The following ZNF469 variants were observed in gnomAD, a reference collection of about 807,000 sequenced individuals.
The protein encoded by ZNF469 is zinc finger protein 469.
Under a neutral mutation model 1.0 loss-of-function variants are expected in ZNF469, and 1 was observed. The observed-to-expected ratio is 1.00, with a 90% CI of 0.35 to 4.73. ZNF469 has a LOEUF of 4.73. Ranked by LOEUF, ZNF469 falls within the 30% of genes most tolerant of loss-of-function variation. ZNF469 has a pLI of 0.16. For missense variants in ZNF469, 6,100 were observed against 5,356.3 expected, an observed-to-expected ratio of 1.14 and a Z score of -4.33; for synonymous variants, 2,703 against 2,363.4, an observed-to-expected ratio of 1.14 and a Z score of -4.17.
the ZNF469 span, among the ~76,000 whole-genome samples, chr16:88,311,105 G>T: frequency 6.6e-6 from 1 of 152,198 alleles, no homozygotes; most frequent in Non-Finnish European, 1.5e-5. Context: ...TGGGCATTTT[G>T]TGGATCATCC....
At chr16:88,203,712 T>C in the ZNF469 span, among the ~76,000 whole-genome samples, 1 of 149,176 alleles carries the variant, frequency 6.7e-6, no homozygotes, top group African/African-American at 2.4e-5. Context: ...ACATGGCCTC[T>C]GCTCTGTGTC....
At chr16:88,169,465 A>G in the ZNF469 span, among the ~76,000 whole-genome samples, 1 of 152,112 alleles carries the variant, frequency 6.6e-6, no homozygotes. The surrounding 1 kb of genome is among the most constrained non-coding windows in gnomAD (Gnocchi z 6.1). Flanking sequence ...CCAGAACGTC[A>G]TCGAGGTGGA....
chr16:88,251,692 G>T, the ZNF469 span, among the ~76,000 whole-genome samples: 1 of 151,180 alleles, frequency 6.6e-6, no homozygotes, highest in Non-Finnish European at 1.5e-5. Context: ...CTGAGTAGCT[G>T]GGACTATCAG....
At chr16:88,160,479 G>T in the ZNF469 span, among the ~76,000 whole-genome samples, 1 of 152,190 alleles carries the variant, frequency 6.6e-6, no homozygotes, top group East Asian at 1.9e-4. Context: ...TTTGCACTCT[G>T]ACCTCGTGCT....
chr16:88,256,908 T>TCTCTCTC, the ZNF469 span, among the ~76,000 whole-genome samples: 1 of 25,690 alleles, frequency 3.9e-5, no homozygotes, highest in Non-Finnish European at 7.0e-5. Flanking sequence ...CTTTCTTTCT[T>TCTCTCTC]TCTTTCTTTC....
At chr16:88,133,841 C>T in the ZNF469 span, among the ~76,000 whole-genome samples, 7 of 152,198 alleles carry the variant, frequency 4.6e-5, no homozygotes, top group Admixed American at 4.6e-4. Flanking sequence ...CGCCTGTAAT[C>T]CCAGCACTGT....
At chr16:88,148,808 G>A in the ZNF469 span, among the ~76,000 whole-genome samples, 679 of 152,270 alleles carry the variant, frequency 4.5e-3, 8 homozygotes, top group African/African-American at 0.015. Context: ...TCACTGGGCC[G>A]TTGGCCTGAG....
At chr16:88,236,756 A>G in the ZNF469 span, among the ~76,000 whole-genome samples, 7 of 151,680 alleles carry the variant, frequency 4.6e-5, no homozygotes, top group African/African-American at 1.7e-4. Context: ...AAGCTCAGCT[A>G]CTCTGGAGGC....
chr16:88,344,360 C>T, the ZNF469 span, among the ~76,000 whole-genome samples: 22 of 152,156 alleles, frequency 1.4e-4, no homozygotes, highest in Non-Finnish European at 2.5e-4. Flanking sequence ...GAGATGTTAA[C>T]GGCAGGGGAC....
the ZNF469 span, among the ~76,000 whole-genome samples, chr16:88,158,928 C>G: frequency 6.6e-6 from 1 of 152,178 alleles, no homozygotes; most frequent in Non-Finnish European, 1.5e-5. Flanking sequence ...TTCCCCAGAC[C>G]TCGCTGGGGC....
chr16:88,128,673 G>A, the ZNF469 span, among the ~76,000 whole-genome samples: 1 of 152,230 alleles, frequency 6.6e-6, no homozygotes. Context: ...CCCTGAGCCT[G>A]CTCCCCATGA....
the ZNF469 span, among the ~76,000 whole-genome samples, chr16:88,184,936 C>G: frequency 6.6e-6 from 1 of 151,750 alleles, no homozygotes; most frequent in African/African-American, 2.4e-5. Flanking sequence ...ATGCACAGAC[C>G]CTCACACTCA....
the ZNF469 span, among the ~76,000 whole-genome samples, chr16:88,233,855 G>A: frequency 6.6e-6 from 1 of 152,242 alleles, no homozygotes; most frequent in Non-Finnish European, 1.5e-5. Flanking sequence ...TTGGTTGCTG[G>A]TGGACGTTCA....
At chr16:88,239,397 C>G in the ZNF469 span, among the ~76,000 whole-genome samples, 2 of 151,748 alleles carry the variant, frequency 1.3e-5, no homozygotes, top group Non-Finnish European at 2.9e-5. Context: ...CCAAGAACTA[C>G]AGGATTCTTT....
the ZNF469 span, among the ~76,000 whole-genome samples, chr16:88,325,162 T>C: frequency 0.011 from 912 of 85,502 alleles, 13 homozygotes; most frequent in African/African-American, 0.037. Context: ...AGCTGCGACA[T>C]ACACAGGGCC....
chr16:88,194,039 G>A, the ZNF469 span, among the ~76,000 whole-genome samples: 3 of 152,332 alleles, frequency 2.0e-5, no homozygotes, highest in South Asian at 2.1e-4. Flanking sequence ...AGGCCTCAGC[G>A]TGGCCCGGCA....
the ZNF469 span, among the ~76,000 whole-genome samples, chr16:88,200,051 G>A: frequency 2.6e-5 from 4 of 152,204 alleles, no homozygotes; most frequent in African/African-American, 4.8e-5. Context: ...GCTTTGGGAC[G>A]GTCAAACAGG....
At chr16:88,401,896 G>GGA (rs1555516503) in intron 1 of ZNF469, among the ~76,000 whole-genome samples, 1 of 43,040 alleles carries the variant, frequency 2.3e-5, no homozygotes, top group African/African-American at 9.3e-5. Context: ...GAGTGGGTGA[G>GGA]TGGATGGATG....
chr16:88,242,165 G>A, the ZNF469 span, among the ~76,000 whole-genome samples: 269 of 152,310 alleles, frequency 1.8e-3, 1 homozygote, highest in African/African-American at 6.1e-3. Flanking sequence ...CTCTGCAACC[G>A]GCTCTAGTGG....
Sources: allele counts gnomAD v4.1 joint callset (sites outside exome capture counted in the v4.1 genomes callset), GRCh38; gene constraint gnomAD v4.1.1; non-coding constraint Gnocchi (gnomAD v3.1); transcripts MANE v1.5; gene names NCBI Gene and HGNC (gene_info 2026-07-23, HGNC 2026-07-21).